The following SHLD1 variants were observed in gnomAD, a reference collection of about 807,000 sequenced individuals.
The protein encoded by SHLD1 is shieldin complex subunit 1, also known as RINN1-REV7-interacting novel NHEJ regulator 3.
Under a neutral mutation model 5.5 loss-of-function variants are expected in SHLD1, and 3 were observed. That is an observed-to-expected ratio of 0.54 (90% confidence interval 0.25 to 1.40). The LOEUF is 1.40. SHLD1 is among the 40% of genes most tolerant of loss of function. SHLD1 has a pLI of 0.15. For missense variants in SHLD1, 210 were observed against 244.4 expected, an observed-to-expected ratio of 0.86 and a Z score of 0.94; for synonymous variants, 92 against 94.3, an observed-to-expected ratio of 0.98 and a Z score of 0.14.
intron 2 of SHLD1, among the ~76,000 whole-genome samples, chr20:5,805,400 G>A (rs1263792243): frequency 2.0e-5 from 3 of 151,992 alleles, no homozygotes; most frequent in South Asian, 2.1e-4. Context: ...CAGGTGATCC[G>A]CCCACCTCAG....
intron 2 of SHLD1, among the ~76,000 whole-genome samples, chr20:5,854,872 C>CTTTTTTTTTTTTTTTTTT (rs55776293): frequency 1.5e-5 from 2 of 130,032 alleles, no homozygotes; most frequent in African/African-American, 3.3e-5. Flanking sequence ...CTCTATGACT[C>CTTTTTTTTTTTTTTTTTT]TTTTTTTTTT....
chr20:5,829,757 T>A (rs913547761), intron 2 of SHLD1, among the ~76,000 whole-genome samples: 2 of 152,232 alleles, frequency 1.3e-5, no homozygotes, highest in Non-Finnish European at 2.9e-5. Context: ...TAATTTGATT[T>A]ATTTTGAAGT....
intron 2 of SHLD1, among the ~76,000 whole-genome samples, chr20:5,827,911 T>C: frequency 6.6e-6 from 1 of 152,172 alleles, no homozygotes; most frequent in East Asian, 1.9e-4. Context: ...GGGTAGAAAC[T>C]ACACCATGGT....
At chr20:5,822,868 T>C (rs2087622252) in intron 2 of SHLD1, among the ~76,000 whole-genome samples, 1 of 152,000 alleles carries the variant, frequency 6.6e-6, no homozygotes, top group African/African-American at 2.4e-5. Context: ...CTGCCCTGTT[T>C]CTCTGTTCCT....
intron 1 of SHLD1, among the ~76,000 whole-genome samples, chr20:5,759,753 C>G (rs1345582193): frequency 6.6e-6 from 1 of 152,042 alleles, no homozygotes; most frequent in African/African-American, 2.4e-5. Context: ...GTTACCCAGG[C>G]TGGTCTCAAA....
At chr20:5,794,272 T>C (rs1171948646) in intron 2 of SHLD1, among the ~76,000 whole-genome samples, 3 of 152,204 alleles carry the variant, frequency 2.0e-5, no homozygotes, top group Admixed American at 6.5e-5. Context: ...TGGAGCTGAG[T>C]AGACTTAGCA....
chr20:5,796,264 A>C (rs2087210752), intron 2 of SHLD1, among the ~76,000 whole-genome samples: 1 of 152,072 alleles, frequency 6.6e-6, no homozygotes, highest in Non-Finnish European at 1.5e-5. Context: ...TACTGTGAGC[A>C]CTCTCAAAAT....
Position 5,764,217 on chromosome 20 carries a change from G to GTATATA in SHLD1, c.-4-8644_-4-8643insATATAT, listed in dbSNP as rs1436612762. Among the ~76,000 whole-genome samples the GTATATA allele has an allele frequency of 3.5e-5, 4 of 115,332 alleles. 1 individual carries two copies. Among genetic ancestry groups the GTATATA allele is most frequent in the African/African-American group, 1.3e-4 (4 of 29,994 alleles). 75.7% of individuals were successfully genotyped at this position (115,332 alleles called of 152,430 possible). On this transcript the variant is annotated intron_variant, in intron 1 of 2. Coordinates refer to ENST00000303142, the MANE Select transcript of SHLD1 (RefSeq NM_152504.4). ...TTTATATATATATATATTTGTGTGT[G>GTATATA]TGTATATATATATATATATATACAT... is the stretch of plus-strand genomic sequence containing the variant.
At chr20:5,767,094 C>T (rs1289681967) in intron 1 of SHLD1, among the ~76,000 whole-genome samples, 1 of 151,770 alleles carries the variant, frequency 6.6e-6, no homozygotes, top group African/African-American at 2.4e-5. Context: ...TGACTCTCAG[C>T]TCCTCTTTAA....
chr20:5,824,841 T>A (rs549403685), intron 2 of SHLD1, among the ~76,000 whole-genome samples: 2 of 152,332 alleles, frequency 1.3e-5, no homozygotes, highest in African/African-American at 4.8e-5. Context: ...AGATTGTTTT[T>A]CAAATCTAAA....
At chr20:5,791,563 C>CAAAAA (rs34606715) in intron 2 of SHLD1, among the ~76,000 whole-genome samples, 4 of 61,016 alleles carry the variant, frequency 6.6e-5, no homozygotes, top group East Asian at 4.8e-4. Context: ...GACCCTGTCT[C>CAAAAA]AAAAAAAAAA....
chr20:5,793,319 ATT>A (rs1166273255), intron 2 of SHLD1, among the ~76,000 whole-genome samples: 2 of 152,088 alleles, frequency 1.3e-5, no homozygotes, highest in African/African-American at 4.8e-5. Flanking sequence ...GTGCATGTAA[ATT>A]TATGTATTTT....
At chr20:5,791,186 A>G (rs1315484613) in intron 2 of SHLD1, among the ~76,000 whole-genome samples, 1 of 152,158 alleles carries the variant, frequency 6.6e-6, no homozygotes, top group Non-Finnish European at 1.5e-5. Context: ...AGCAGCCATT[A>G]TAAAAATGCC....
intron 2 of SHLD1, among the ~76,000 whole-genome samples, chr20:5,828,054 A>G (rs1437178809): frequency 6.6e-6 from 1 of 152,244 alleles, no homozygotes; most frequent in East Asian, 1.9e-4. Flanking sequence ...GGTGTTAGTT[A>G]TAAAGAGTAG....
chr20:5,786,991 T>C (rs1234259477), intron 2 of SHLD1, among the ~76,000 whole-genome samples: 1 of 152,216 alleles, frequency 6.6e-6, no homozygotes. Context: ...AAGGTCTTAT[T>C]TCTACAACAA....
At chr20:5,809,900 A>C (rs1409012285) in intron 2 of SHLD1, among the ~76,000 whole-genome samples, 4 of 151,978 alleles carry the variant, frequency 2.6e-5, no homozygotes, top group Non-Finnish European at 5.9e-5. Flanking sequence ...TCACATACTG[A>C]GGTCTCATTG....
intron 2 of SHLD1, among the ~76,000 whole-genome samples, chr20:5,841,527 T>C (rs1391329266): frequency 6.6e-6 from 1 of 152,228 alleles, no homozygotes. Context: ...CTTCATAGCA[T>C]CCTTCAAATT....
chr20:5,801,267 G>A (rs1448569399), intron 2 of SHLD1, among the ~76,000 whole-genome samples: 3 of 151,960 alleles, frequency 2.0e-5, no homozygotes, highest in East Asian at 3.9e-4. Flanking sequence ...GTAGAGACGG[G>A]GTTTCACCAT....
At position 5,863,722 on chromosome 20, in the gene SHLD1, T is replaced by C. The variant is rs2088194872; in HGVS notation, c.*259T>C. On this transcript the variant is annotated 3_prime_UTR_variant, in exon 3 of 3. Coordinates refer to ENST00000303142, the MANE Select transcript of SHLD1 (RefSeq NM_152504.4). ...CTGGGCTACGAGTCAAAAGCCCAGC[T>C]CCCTTGCCTCAAGGAAGGACATTCT... 3 of 433,394 alleles carry C rather than the reference T, an allele frequency of 6.9e-6. No individual in the cohort carries two copies. Among genetic ancestry groups the C allele is most frequent in the Admixed American group, 8.0e-5 (2 of 24,960 alleles). 26.8% of individuals were successfully genotyped at this position (433,394 alleles called of 1,614,324 possible).
Sources: allele counts gnomAD v4.1 joint callset (sites outside exome capture counted in the v4.1 genomes callset), GRCh38; gene constraint gnomAD v4.1.1; transcripts MANE v1.5; gene names NCBI Gene and HGNC (gene_info 2026-07-23, HGNC 2026-07-21).